The following BPIFB3 variants were observed in gnomAD, a reference collection of about 807,000 sequenced individuals.
BPIFB3 encodes the protein BPI fold-containing family B member 3.
BPIFB3 carries 49 observed loss-of-function variants against 53.1 expected under a neutral mutation model. The ratio of observed to expected loss-of-function variants is 0.92; its 90% CI spans 0.73 to 1.17. The LOEUF (loss-of-function observed/expected upper bound fraction) is 1.17. Ranked by LOEUF, BPIFB3 falls within the 50% of genes most tolerant of loss-of-function variation. The pLI is 0.00. For synonymous variants in BPIFB3, 271 were observed against 269.6 expected (o/e 1.01, Z -0.05); for missense variants, 628 against 592.5 (o/e 1.06, Z -0.62).
exon 14 of BPIFB3, chr20:33,072,771 A>G (rs774954137): frequency 5.6e-6 from 9 of 1,613,612 alleles, no homozygotes; most frequent in Admixed American, 5.0e-5. Flanking sequence ...AATTTTTCCA[A>G]TTCAGTTCTG....
intron 5 of BPIFB3, among the ~76,000 whole-genome samples, chr20:33,063,192 A>C (rs1040150838): frequency 6.6e-6 from 1 of 152,160 alleles, no homozygotes; most frequent in African/African-American, 2.4e-5. Flanking sequence ...GGAGGAGAGG[A>C]GGTGCCCCTC....
upstream of BPIFB3, chr20:33,055,311 A>G (rs566694251): frequency 9.0e-5 from 135 of 1,498,474 alleles, 1 homozygote; most frequent in South Asian, 1.6e-3. Flanking sequence ...GTGAAGCTCA[A>G]TTTGGGCTGT....
upstream of BPIFB3, among the ~76,000 whole-genome samples, chr20:33,054,630 CAAAA>C (rs1980117357): frequency 6.6e-6 from 1 of 151,994 alleles, no homozygotes; most frequent in South Asian, 2.1e-4. Context: ...TCAAGGAGGT[CAAAA>C]AGGCAGGCAG....
At chr20:33,059,162 C>T (rs1980336168) in intron 2 of BPIFB3, among the ~76,000 whole-genome samples, 1 of 152,142 alleles carries the variant, frequency 6.6e-6, no homozygotes, top group Non-Finnish European at 1.5e-5. Flanking sequence ...AATTATCTCA[C>T]TTGTCTTTGC....
In BPIFB3 at chr20:33,060,043, G is replaced by A; in HGVS notation, c.527+12G>A. On this transcript the variant is annotated intron_variant, in intron 4 of 14. Transcript: ENST00000375494. ...AGCCTGTTCTCAGGGTGAGTCTGCAGGTTCCAGCCTGCAACCCTGACCCGC... is the reference window on the plus strand; with the variant it reads ...AGCCTGTTCTCAGGGTGAGTCTGCAAGTTCCAGCCTGCAACCCTGACCCGC... 6 of 1,613,142 alleles carry A rather than the reference G, an allele frequency of 3.7e-6. No individual in the cohort carries two copies. The highest frequency in any genetic ancestry group is 5.1e-6 in the Non-Finnish European group (6 of 1,179,540).
intron 4 of BPIFB3, among the ~76,000 whole-genome samples, chr20:33,060,238 G>T (rs951460688): frequency 6.6e-6 from 1 of 152,180 alleles, no homozygotes. Context: ...TCCATAGCTT[G>T]TGCCACCCAC....
intron 2 of BPIFB3, 145 bp from the exon 4 acceptor site, chr20:33,059,233 A>C: frequency 1.6e-6 from 1 of 613,764 alleles, no homozygotes; most frequent in Non-Finnish European, 3.0e-6. Flanking sequence ...AACTAGGCCC[A>C]GAGAGATGAA....
Position 33,066,811 on chromosome 20 carries a change from A to G in BPIFB3, c.925-13A>G, listed in dbSNP as rs746953454. ...TCTGTGCTCACCAACCCTCTCTCCC[A>G]TTGGGGGTCCAGGTTCCCAGCGATG... On this transcript the variant is annotated splice_polypyrimidine_tract_variant and intron_variant, in intron 8 of 14. Coordinates refer to ENST00000375494, the Ensembl canonical transcript of BPIFB3. 7.4e-6 allele frequency: 12 copies of G among 1,613,934 alleles called. No homozygotes were observed. The highest frequency in any genetic ancestry group is 1.1e-5 in the South Asian group (1 of 91,070).
exon 6 of BPIFB3, chr20:33,063,622 C>T (rs1600540281): frequency 1.2e-6 from 2 of 1,614,038 alleles, no homozygotes; most frequent in African/African-American, 1.3e-5. Context: ...CAGCTGTGCC[C>T]CGTGGTGGAC....
At chr20:33,064,980 A>G in intron 8 of BPIFB3, 135 bp downstream of exon 9, 1 of 983,176 alleles carries the variant, frequency 1.0e-6, no homozygotes, top group Non-Finnish European at 1.5e-6. Context: ...GAACAAGTTT[A>G]GAGTGTGTAC....
At position 33,072,185 on chromosome 20, in the gene BPIFB3, C is replaced by G. The variant is rs369605501; in HGVS notation, c.1324+18C>G. On this transcript the variant is annotated intron_variant, in intron 13 of 14. Coordinates refer to ENST00000375494, the Ensembl canonical transcript of BPIFB3. ...GCTTAACGGTATGGCAGGTTTTGCT[C>G]TCTTGGACACATGGAGTGTCTGAAT... 6.2e-7 allele frequency: 1 copy of G among 1,613,454 alleles called. No individual in the cohort carries two copies. Among genetic ancestry groups the G allele is most frequent in the African/African-American group, 1.3e-5 (1 of 75,044 alleles).
chr20:33,064,545 C>A, exon 7 of BPIFB3: 2 of 1,613,714 alleles, frequency 1.2e-6, no homozygotes, highest in Non-Finnish European at 1.7e-6. Flanking sequence ...AACTGGACAT[C>A]AACGTGAGTA....
At chr20:33,060,660 C>A (rs1980415715) in intron 4 of BPIFB3, among the ~76,000 whole-genome samples, 1 of 152,136 alleles carries the variant, frequency 6.6e-6, no homozygotes, top group Non-Finnish European at 1.5e-5. Flanking sequence ...ACCTCTGCCT[C>A]CCGGCTTCAT....
At chr20:33,072,466 G>A (rs1980945802) in intron 13 of BPIFB3, among the ~76,000 whole-genome samples, 1 of 152,184 alleles carries the variant, frequency 6.6e-6, no homozygotes, top group Non-Finnish European at 1.5e-5. Context: ...ATGACCCAGA[G>A]TGTGTAAGGG....
chr20:33,060,023 G>T (rs1980384634), exon 4 of BPIFB3: 2 of 1,613,672 alleles, frequency 1.2e-6, no homozygotes, highest in Non-Finnish European at 1.7e-6. Context: ...ACATCAGCCT[G>T]TTCTCAGGGT....
chr20:33,068,385 T>G (rs1459416793), intron 9 of BPIFB3, among the ~76,000 whole-genome samples: 1 of 152,182 alleles, frequency 6.6e-6, no homozygotes, highest in Non-Finnish European at 1.5e-5. Flanking sequence ...TGGGAAGATA[T>G]TTCCAGGCAG....
chr20:33,056,676 GGCGTTGTCGAGGA>G lies in BPIFB3; in HGVS notation c.262_274del (p.Val88SerfsTer4). The G allele has an allele frequency of 6.2e-7, 1 of 1,606,268 alleles. No individual in the cohort carries two copies. Among genetic ancestry groups the G allele is most frequent in the East Asian group, 2.2e-5 (1 of 44,730 alleles). On this transcript the variant is annotated frameshift_variant, in exon 2 of 15. Coordinates refer to ENST00000375494, the Ensembl canonical transcript of BPIFB3. LOFTEE classifies it high-confidence loss of function. ...CTTGCTGGGCCACGGAGGGGTTTTT[GGCGTTGTCGAGGA>G]GCTCTCTGGGTGAGTCCCACCTGCT...
chr20:33,069,938 C>T (rs142822628), exon 11 of BPIFB3: 59 of 1,614,110 alleles, frequency 3.7e-5, no homozygotes, highest in African/African-American at 6.7e-5. Flanking sequence ...AGCTGCACAT[C>T]TCCCTGTCCC....
At chr20:33,055,403 C>A, upstream of BPIFB3, 1 of 1,612,212 alleles carries the variant, frequency 6.2e-7, no homozygotes. Flanking sequence ...CTCAGAGTTC[C>A]TCCTTCTGCT....
Sources: gnomAD v4.1 joint callset for allele counts (sites outside exome capture counted in the v4.1 genomes callset) on GRCh38, gnomAD v4.1.1 for gene constraint, MANE v1.5 for transcripts, NCBI Gene and HGNC (gene_info 2026-07-23, HGNC 2026-07-21) for gene names.